Variants in UFL1 observed in about 807,000 individuals in gnomAD.
UFL1 encodes the protein UFM1 specific ligase 1.
A neutral mutation model predicts 99.3 loss-of-function variants in UFL1; 78 were observed. That is an observed-to-expected ratio of 0.79 (90% CI 0.65 to 0.95). UFL1 has a LOEUF of 0.95. UFL1 is among the 40% of genes least tolerant of loss of function. The probability of loss-of-function intolerance (pLI) is 0.00; values close to 1 mark genes in which losing one functional copy is unlikely to be tolerated. For synonymous variants in UFL1, 335 were observed against 322.2 expected (o/e 1.04, Z -0.42); for missense variants, 936 against 937.0 (o/e 1.00, Z 0.01).
At chr6:96,532,038 CTTG>C (rs1304801950) in intron 6 of UFL1, among the ~76,000 whole-genome samples, 4 of 152,084 alleles carry the variant, frequency 2.6e-5, no homozygotes, top group Non-Finnish European at 5.9e-5. Flanking sequence ...ATGGATATTT[CTTG>C]TTATCATGGA....
intron 10 of UFL1, among the ~76,000 whole-genome samples, chr6:96,539,477 C>T (rs1404550558): frequency 1.3e-5 from 2 of 149,382 alleles, no homozygotes; most frequent in African/African-American, 5.1e-5. Flanking sequence ...AGCTGTTCTC[C>T]TTCTAAGCTC....
Position 96,553,610 on chromosome 6 carries a change from C to T in UFL1, c.*107C>T, listed in dbSNP as rs1770113676. The T allele has an allele frequency of 1.3e-6, 1 of 748,242 alleles. No homozygotes were observed. The highest frequency in any genetic ancestry group is 1.9e-5 in the South Asian group (1 of 52,984). The allele number at this position is 748,242 out of a possible 1,614,324, so 46.4% of individuals were successfully genotyped here. A position where few individuals can be genotyped will look rare whatever the true frequency, so the allele number is the denominator to read the frequency against. On this transcript the variant is annotated 3_prime_UTR_variant, in exon 19 of 19. Transcript: ENST00000369278. ...ACAACTCCCCTCTCCCTGCAAAAAC[C>T]ACCTCATACACACACAATTCAGTTA...
intron 11 of UFL1, 66 bp from the exon 12 acceptor site, chr6:96,542,828 G>C: frequency 4.3e-6 from 6 of 1,408,672 alleles, no homozygotes; most frequent in Non-Finnish European, 5.6e-6. Context: ...CAACAATATA[G>C]TGTCATTATT....
In UFL1 at chr6:96,548,834, A is replaced by G. The variant is rs190797770; in HGVS notation, c.1520+553A>G. ...CCTGGTCATCCCTCAAGTTAGTTTC[A>G]CTGTGTACGCTTTCATAAATACAAT... On this transcript the variant is annotated intron_variant, in intron 13 of 18. Coordinates refer to ENST00000369278, the MANE Select transcript of UFL1 (RefSeq NM_015323.5). Among the ~76,000 whole-genome samples the G allele has an allele frequency of 3.6e-3, 544 of 151,790 alleles. 5 individuals carry two copies. The highest frequency in any genetic ancestry group is 0.012 in the African/African-American group (514 of 41,478).
Position 96,525,352 on chromosome 6 carries a change from C to G in UFL1, c.308C>G (p.Ser103Ter). Residue 103 changes from serine (S) to a stop codon, truncating the protein, a stop_gained, in exon 4 of 19, where the codon TCA (serine) becomes TGA (stop). Coordinates refer to ENST00000369278, the MANE Select transcript of UFL1 (RefSeq NM_015323.5). LOFTEE classifies it high-confidence loss of function. ...IENRIGDIIK[S>*]EKHVQLVLGQ... ...AATAGAATTGGTGACATTATTAAAT[C>G]AGAAAAGCATGTTCAGTTAGTGTTG... 2 of 1,610,078 alleles carry G rather than the reference C, an allele frequency of 1.2e-6. No individual in the cohort carries two copies. Among genetic ancestry groups the G allele is most frequent in the Non-Finnish European group, 1.7e-6 (2 of 1,178,532 alleles).
At chr6:96,532,303 C>A (rs907050347) in intron 6 of UFL1, among the ~76,000 whole-genome samples, 11 of 152,002 alleles carry the variant, frequency 7.2e-5, no homozygotes, top group Non-Finnish European at 1.5e-4. Context: ...TAGAAGGGAA[C>A]AAAAGACAAA....
chr6:96,533,238 G>T (rs979052143), intron 6 of UFL1, among the ~76,000 whole-genome samples: 2 of 151,302 alleles, frequency 1.3e-5, no homozygotes, highest in African/African-American at 4.9e-5. Flanking sequence ...TTACAAATGA[G>T]ATACAGTCAT....
chr6:96,533,028 A>G (rs991312856), intron 6 of UFL1, among the ~76,000 whole-genome samples: 4 of 152,198 alleles, frequency 2.6e-5, no homozygotes, highest in East Asian at 3.9e-4. Flanking sequence ...AATATTTACA[A>G]TATTCTAAAT....
At chr6:96,528,839 C>T (rs1769739702) in intron 6 of UFL1, among the ~76,000 whole-genome samples, 1 of 152,188 alleles carries the variant, frequency 6.6e-6, no homozygotes, top group Non-Finnish European at 1.5e-5. Context: ...TCCGCATCTC[C>T]TTCCTCTCCC....
In UFL1 at chr6:96,528,581, T is replaced by A; in HGVS notation, c.545T>A (p.Phe182Tyr). The change falls in exon 6 of 19, where the codon TTT becomes TAT. Residue 182 changes from phenylalanine to tyrosine, a missense_variant. Coordinates refer to ENST00000369278, the MANE Select transcript of UFL1 (RefSeq NM_015323.5). ...DNRGVIFTEA[F>Y]VARHKARIRG... Reference sequence around the variant, plus strand: ...AGAGGAGTAATTTTTACGGAAGCTTTTGTAGCTCGACATAAAGCACGTATC... The same window carrying A: ...AGAGGAGTAATTTTTACGGAAGCTTATGTAGCTCGACATAAAGCACGTATC... The A allele has an allele frequency of 6.2e-7, 1 of 1,613,922 alleles. No individual in the cohort carries two copies. The highest frequency in any genetic ancestry group is 8.5e-7 in the Non-Finnish European group (1 of 1,179,870).
chr6:96,540,007 C>T (rs1288970578), intron 10 of UFL1, among the ~76,000 whole-genome samples: 2 of 151,434 alleles, frequency 1.3e-5, no homozygotes, highest in Admixed American at 6.6e-5. Flanking sequence ...CTTGGAAATA[C>T]TTCATCGTTG....
chr6:96,546,780 C>G (rs1770006861), intron 12 of UFL1, among the ~76,000 whole-genome samples: 1 of 151,276 alleles, frequency 6.6e-6, no homozygotes, highest in Admixed American at 6.6e-5. Context: ...ACACCCTATT[C>G]AATAAATGGT....
chr6:96,543,045 G>C, intron 12 of UFL1, 29 bp downstream of exon 12: 1 of 1,566,812 alleles, frequency 6.4e-7, no homozygotes. Flanking sequence ...CTTTTCCTTG[G>C]TGTATGTGTG....
Position 96,553,624 on chromosome 6 carries a change from AC to A in UFL1, c.*122del. 7.3e-6 allele frequency: 5 copies of A among 686,192 alleles called. No homozygotes were observed. Among genetic ancestry groups the A allele is most frequent in the Non-Finnish European group, 1.2e-5 (5 of 412,932 alleles). The allele number at this position is 686,192 out of a possible 1,614,324, so 42.5% of individuals were successfully genotyped here. ...CCTGCAAAAACCACCTCATACACAC[AC>A]AATTCAGTTAAAACAGTAGTATTGT... On this transcript the variant is annotated 3_prime_UTR_variant, in exon 19 of 19. Transcript: ENST00000369278.
Position 96,552,632 on chromosome 6 carries a change from C to G in UFL1, c.2136C>G (p.Ile712Met), listed in dbSNP as rs150419553. ...LHAPGRCVPQ[I>M]IAFLNSKIPE... The stretch of plus-strand genomic sequence containing the variant: ...CACCTGGAAGATGTGTCCCACAGAT[C>G]ATTGCTTTTCTTAATAGTAAAATTC... The change falls in exon 18 of 19, where the codon ATC becomes ATG. Residue 712 changes from isoleucine (I) to methionine (M), a missense_variant. Physicochemically the swap from Ile to Met is conservative, Grantham distance 10. Coordinates refer to ENST00000369278, the MANE Select transcript of UFL1 (RefSeq NM_015323.5). The G allele has an allele frequency of 1.9e-6, 3 of 1,599,468 alleles. No homozygotes were observed. The highest frequency in any genetic ancestry group is 1.4e-5 in the African/African-American group (1 of 73,842).
chr6:96,523,743 CATATTGT>C (rs1769660477), intron 2 of UFL1, among the ~76,000 whole-genome samples: 1 of 152,100 alleles, frequency 6.6e-6, no homozygotes, highest in Admixed American at 6.5e-5. Flanking sequence ...CTACACCAAT[CATATTGT>C]ATGAAATGCT....
chr6:96,549,919 A>G (rs1001439506), intron 15 of UFL1, 120 bp downstream of exon 15: 1 of 1,409,360 alleles, frequency 7.1e-7, no homozygotes, highest in Non-Finnish European at 9.4e-7. Flanking sequence ...TTTGAGGAAA[A>G]AAATCTAAAA....
chr6:96,523,784 T>C (rs73492710), intron 2 of UFL1, among the ~76,000 whole-genome samples: 17,697 of 152,186 alleles, frequency 0.12, 1,067 homozygotes, highest in East Asian at 0.25. Context: ...ACAAAGTTGG[T>C]TTCCTTTGTC....
Position 96,554,238 on chromosome 6 carries a change from T to C in UFL1, c.*735T>C, listed in dbSNP as rs1373082398. ...CAGTAAGCATAAGTCATATTTAACA[T>C]TGGAATAACTAAGCATTTTATACAA... On this transcript the variant is annotated 3_prime_UTR_variant, in exon 19 of 19. Coordinates refer to ENST00000369278, the MANE Select transcript of UFL1 (RefSeq NM_015323.5). The C allele has an allele frequency of 6.6e-6, 1 of 152,138 alleles. No homozygotes were observed. The highest frequency in any genetic ancestry group is 1.5e-5 in the Non-Finnish European group (1 of 68,016). The allele number at this position is 152,138 out of a possible 1,614,324, so 9.4% of individuals were successfully genotyped here.
Sources: allele counts gnomAD v4.1 joint callset (sites outside exome capture counted in the v4.1 genomes callset), GRCh38; gene constraint gnomAD v4.1.1; transcripts MANE v1.5; gene names NCBI Gene and HGNC (gene_info 2026-07-23, HGNC 2026-07-21).